CUX1: variants seen among roughly 807,000 people sequenced by gnomAD.
CUX1 encodes the protein cut like homeobox 1, also known as protein CASP.
In CUX1, 31 loss-of-function variants were observed where a neutral mutation model predicts 158.8. That is an observed-to-expected ratio of 0.20 (90% confidence interval 0.15 to 0.26). The LOEUF is 0.26. CUX1 is among the 10% of genes least tolerant of loss of function. CUX1 has a pLI of 1.00. For synonymous variants in CUX1, 879 were observed against 862.1 expected (o/e 1.02, Z -0.34); for missense variants, 1,589 against 2,014.6 (o/e 0.79, Z 4.04).
At position 102,255,119 on chromosome 7, in the gene CUX1, G is replaced by A; in HGVS notation, c.*6077G>A. ...CCAATCCCAGAGGCCCCGGCGGCCT[G>A]TGCTCCTCACCACCCTGGTCAGGGG... is the stretch of plus-strand genomic sequence containing the variant. On this transcript the variant is annotated 3_prime_UTR_variant, in exon 24 of 24. Coordinates refer to ENST00000292535, the MANE Select transcript of CUX1 (RefSeq NM_181552.4). The A allele has an allele frequency of 1.0e-6, 1 of 985,356 alleles. No individual in the cohort carries two copies. The highest frequency in any genetic ancestry group is 1.2e-6 in the Non-Finnish European group (1 of 829,926). The allele number at this position is 985,356 out of a possible 1,614,324, so 61.0% of individuals were successfully genotyped here. A position where few individuals can be genotyped will look rare whatever the true frequency, so the allele number is the denominator to read the frequency against.
At chr7:101,878,743 G>T (rs1375055914) in intron 1 of CUX1, among the ~76,000 whole-genome samples, 2 of 152,034 alleles carry the variant, frequency 1.3e-5, no homozygotes, top group African/African-American at 4.8e-5. Context: ...TATGATCTCG[G>T]CTCACTGCAA....
rs369936537 is a variant in CUX1 at position 102,216,550 on chromosome 7, A to C, written c.3131-10817A>C. Among the ~76,000 whole-genome samples the C allele has an allele frequency of 6.0e-3, 279 of 46,162 alleles. 1 individual carries two copies. Among genetic ancestry groups the C allele is most frequent in the South Asian group, 0.011 (12 of 1,114 alleles). 30.3% of individuals were successfully genotyped at this position (46,162 alleles called of 152,430 possible). On this transcript the variant is annotated intron_variant, in intron 20 of 23. Transcript: ENST00000292535. ...CTCTCCCCCCCACACACACACACCC[A>C]CACACGCACACACACTCCCACACAC... is the stretch of plus-strand genomic sequence containing the variant.
At chr7:102,077,468 G>A (rs1464116306) in intron 4 of CUX1, among the ~76,000 whole-genome samples, 1 of 148,050 alleles carries the variant, frequency 6.8e-6, no homozygotes, top group Admixed American at 6.9e-5. Flanking sequence ...GGCAGGAGAG[G>A]TATTTGAGGC....
intron 14 of CUX1, among the ~76,000 whole-genome samples, chr7:102,272,725 A>T (rs140600426): frequency 6.6e-6 from 1 of 152,170 alleles, no homozygotes; most frequent in Non-Finnish European, 1.5e-5. Flanking sequence ...ATGCTTTGTT[A>T]TAAAGATGAC....
intron 3 of CUX1, among the ~76,000 whole-genome samples, chr7:102,058,821 T>C (rs1198480310): frequency 1.3e-5 from 2 of 151,956 alleles, no homozygotes; most frequent in Non-Finnish European, 2.9e-5. Context: ...CCGAGGGAGG[T>C]AGGAGAGGGG....
chr7:102,080,978 C>T (rs1284788683), intron 4 of CUX1, among the ~76,000 whole-genome samples: 1 of 152,196 alleles, frequency 6.6e-6, no homozygotes, highest in Non-Finnish European at 1.5e-5. Context: ...CTCTAACACA[C>T]ATCATATTTA....
At chr7:102,198,916 A>G (rs1554519038) in intron 16 of CUX1, 49 bp downstream of exon 16, 1 of 1,523,198 alleles carries the variant, frequency 6.6e-7, no homozygotes, top group Non-Finnish European at 9.1e-7. Flanking sequence ...CTAGGGAAGC[A>G]GCATGTCCTT....
rs1554541673 is a variant in CUX1 at position 102,255,398 on chromosome 7, A to AC, written c.*6356_*6357insC. The AC allele has an allele frequency of 1.0e-6, 1 of 982,540 alleles. No homozygotes were observed. Among genetic ancestry groups the AC allele is most frequent in the Non-Finnish European group, 1.2e-6 (1 of 829,192 alleles). The allele number at this position is 982,540 out of a possible 1,614,324, so 60.9% of individuals were successfully genotyped here. On this transcript the variant is annotated 3_prime_UTR_variant, in exon 24 of 24. Transcript: ENST00000292535. ...GGCGAAAAATCCCAAAAAAAAAAAAAGACAAAAAAAAAAGGCTGGCGAGAG... is the reference window on the plus strand; with the variant it reads ...GGCGAAAAATCCCAAAAAAAAAAAAACGACAAAAAAAAAAGGCTGGCGAGAG...
At chr7:102,007,386 T>C (rs1355758525) in intron 2 of CUX1, among the ~76,000 whole-genome samples, 1 of 151,942 alleles carries the variant, frequency 6.6e-6, no homozygotes, top group African/African-American at 2.4e-5. Context: ...TCTCTTCCCC[T>C]CTCCTGTTAA....
In CUX1 at chr7:101,935,579, A is replaced by G. The variant is rs933905288; in HGVS notation, c.141+19354A>G. 5.9e-5 allele frequency among the ~76,000 whole-genome samples: 9 copies of G among 152,186 alleles called. No homozygotes were observed. In the South Asian group the frequency reaches 8.3e-4, roughly 14 times the overall value. On this transcript the variant is annotated intron_variant, in intron 2 of 23. Coordinates refer to ENST00000292535, the MANE Select transcript of CUX1 (RefSeq NM_181552.4). The stretch of plus-strand genomic sequence containing the variant: ...TCCTGGCCCAGCTGGGGAGGTTGGC[A>G]TGGTATCCACCATTTTGTTCTAAAG...
At chr7:102,000,226 A>G (rs74751362) in intron 2 of CUX1, among the ~76,000 whole-genome samples, 5 of 150,756 alleles carry the variant, frequency 3.3e-5, no homozygotes, top group African/African-American at 4.9e-5. Flanking sequence ...CAAAAAAAAA[A>G]AGAGAGAGAG....
intron 23 of CUX1, among the ~76,000 whole-genome samples, chr7:102,244,259 A>C (rs535238988): frequency 6.0e-4 from 92 of 152,240 alleles, no homozygotes; most frequent in African/African-American, 2.2e-3. Flanking sequence ...AAACAGGAAA[A>C]GTAGATTTTC....
At chr7:102,279,515 CCTTT>C (rs1791892328) in intron 18 of CUX1, among the ~76,000 whole-genome samples, 1 of 152,122 alleles carries the variant, frequency 6.6e-6, no homozygotes, top group African/African-American at 2.4e-5. Context: ...GCCAGGAAAC[CCTTT>C]CTATGAGTGA....
At chr7:102,032,167 G>C (rs1263514804) in intron 3 of CUX1, among the ~76,000 whole-genome samples, 1 of 151,866 alleles carries the variant, frequency 6.6e-6, no homozygotes, top group Non-Finnish European at 1.5e-5. Context: ...GAGCTCCAGT[G>C]ATCCGCCCGC....
chr7:102,064,717 G>A (rs571390019), intron 3 of CUX1, among the ~76,000 whole-genome samples: 2 of 152,278 alleles, frequency 1.3e-5, no homozygotes, highest in Non-Finnish European at 2.9e-5. Context: ...ACTGTGTTGT[G>A]TCTGGTACTG....
chr7:102,033,462 G>A (rs1167156533), intron 3 of CUX1, among the ~76,000 whole-genome samples: 2 of 152,138 alleles, frequency 1.3e-5, no homozygotes, highest in Non-Finnish European at 2.9e-5. Context: ...ACAAACCACT[G>A]TACTCATCAA....
downstream of CUX1, among the ~76,000 whole-genome samples, chr7:102,260,048 T>G (rs1198932153): frequency 6.6e-6 from 1 of 150,514 alleles, no homozygotes; most frequent in Non-Finnish European, 1.5e-5. Flanking sequence ...TGAGCTATGA[T>G]GGCACCACTG....
intron 11 of CUX1, among the ~76,000 whole-genome samples, chr7:102,189,601 C>G (rs1158262291): frequency 6.6e-6 from 1 of 152,202 alleles, no homozygotes; most frequent in Admixed American, 6.5e-5. Flanking sequence ...CTTACAGCAT[C>G]CCTACACACT....
chr7:101,919,469 C>T (rs1475709576), intron 2 of CUX1, among the ~76,000 whole-genome samples: 2 of 152,128 alleles, frequency 1.3e-5, no homozygotes, highest in Non-Finnish European at 2.9e-5. Flanking sequence ...GGTAGGACAG[C>T]CTGGCTTACC....
Sources: gnomAD v4.1 joint callset for allele counts (sites outside exome capture counted in the v4.1 genomes callset) on GRCh38, gnomAD v4.1.1 for gene constraint, MANE v1.5 for transcripts, NCBI Gene and HGNC (gene_info 2026-07-23, HGNC 2026-07-21) for gene names.